The following THSD7B variants were observed in gnomAD, a reference collection of about 807,000 sequenced individuals.
The protein encoded by THSD7B is thrombospondin type 1 domain containing 7B, also known as thrombospondin type-1 domain-containing protein 7B.
In THSD7B, 138 loss-of-function variants were observed where a neutral mutation model predicts 213.6. The observed-to-expected ratio is 0.65, with a 90% CI of 0.56 to 0.74. THSD7B has a LOEUF of 0.74. THSD7B is among the 30% of genes least tolerant of loss of function. The pLI, the probability that THSD7B is intolerant of heterozygous loss-of-function variation, is 0.00. For synonymous variants in THSD7B, 742 were observed against 687.0 expected (o/e 1.08, Z -1.25); for missense variants, 1,931 against 1,991.5 (o/e 0.97, Z 0.58).
At chr2:137,439,491 A>T (rs1687356280) in intron 14 of THSD7B, among the ~76,000 whole-genome samples, 1 of 150,578 alleles carries the variant, frequency 6.6e-6, no homozygotes, top group Non-Finnish European at 1.5e-5. Flanking sequence ...TCATTAAATA[A>T]ATAAGTTATC....
chr2:137,676,255 T>TATC (rs1264993668), intron 27 of THSD7B, among the ~76,000 whole-genome samples: 2 of 152,202 alleles, frequency 1.3e-5, no homozygotes, highest in African/African-American at 4.8e-5. Context: ...TGTTGTTGTG[T>TATC]ATCATCAAGA....
intron 12 of THSD7B, among the ~76,000 whole-genome samples, chr2:137,325,879 G>T (rs149910096): frequency 6.6e-6 from 1 of 152,076 alleles, no homozygotes; most frequent in Non-Finnish European, 1.5e-5. Context: ...CTGGTTTTCC[G>T]TTGGCTTCAC....
intron 15 of THSD7B, among the ~76,000 whole-genome samples, chr2:137,465,834 A>G (rs1687981825): frequency 6.6e-6 from 1 of 152,102 alleles, no homozygotes; most frequent in African/African-American, 2.4e-5. Flanking sequence ...TGAGCAAGTA[A>G]TCTCTTTTGG....
At chr2:137,084,327 T>G (rs1158347408) in intron 3 of THSD7B, among the ~76,000 whole-genome samples, 1 of 152,102 alleles carries the variant, frequency 6.6e-6, no homozygotes, top group Admixed American at 6.6e-5. Context: ...GGGAAGAAAG[T>G]TCAACAAATT....
chr2:137,263,288 C>CAT (rs976985063), intron 10 of THSD7B, among the ~76,000 whole-genome samples: 51 of 151,928 alleles, frequency 3.4e-4, no homozygotes, highest in African/African-American at 6.0e-4. Flanking sequence ...CACACATACA[C>CAT]ATATATATAA....
intron 5 of THSD7B, among the ~76,000 whole-genome samples, chr2:137,147,049 CTTG>C (rs1679717831): frequency 1.3e-5 from 2 of 152,192 alleles, no homozygotes; most frequent in Non-Finnish European, 2.9e-5. Flanking sequence ...AGTATAAATC[CTTG>C]TTGTACTCTC....
intron 12 of THSD7B, among the ~76,000 whole-genome samples, chr2:137,295,927 T>G (rs775298230): frequency 1.8e-4 from 28 of 152,144 alleles, no homozygotes; most frequent in Non-Finnish European, 4.0e-4. Flanking sequence ...ATCCATATCC[T>G]GTATGATCTG....
intron 12 of THSD7B, among the ~76,000 whole-genome samples, chr2:137,313,615 A>C (rs1172259419): frequency 1.3e-5 from 2 of 151,516 alleles, no homozygotes; most frequent in South Asian, 4.2e-4. Flanking sequence ...TGGTCTTTAC[A>C]TTTTGGCATG....
intron 1 of THSD7B, among the ~76,000 whole-genome samples, chr2:136,802,797 A>G (rs1046281188): frequency 1.3e-5 from 2 of 150,904 alleles, no homozygotes; most frequent in African/African-American, 4.9e-5. Flanking sequence ...GAACTGCAAC[A>G]GAATGGTTTA....
intron 15 of THSD7B, among the ~76,000 whole-genome samples, chr2:137,523,983 A>AT (rs938529776): frequency 1.3e-5 from 2 of 151,902 alleles, no homozygotes; most frequent in Non-Finnish European, 2.9e-5. Context: ...AGTTTAATGG[A>AT]TTTTTTTTCC....
chr2:137,150,242 CAAA>C (rs34325279), intron 5 of THSD7B, among the ~76,000 whole-genome samples: 15 of 129,334 alleles, frequency 1.2e-4, no homozygotes, highest in Non-Finnish European at 1.3e-4. Flanking sequence ...AATTCTGTCT[CAAA>C]AAAAAAAAAA....
At chr2:137,459,487 G>A (rs1403309716) in intron 15 of THSD7B, among the ~76,000 whole-genome samples, 2 of 152,030 alleles carry the variant, frequency 1.3e-5, no homozygotes, top group African/African-American at 2.4e-5. Flanking sequence ...CCAACATGGT[G>A]AAACCCCATC....
intron 12 of THSD7B, among the ~76,000 whole-genome samples, chr2:137,283,119 C>T (rs1168486406): frequency 6.6e-6 from 1 of 152,140 alleles, no homozygotes; most frequent in African/African-American, 2.4e-5. Flanking sequence ...AGAGGTCCTT[C>T]ACATCCCTTG....
intron 1 of THSD7B, among the ~76,000 whole-genome samples, chr2:136,878,545 G>T (rs537412537): frequency 1.3e-5 from 2 of 152,192 alleles, no homozygotes; most frequent in South Asian, 4.1e-4. Context: ...CAGTGTAAAA[G>T]TGTTCCTATT....
intron 14 of THSD7B, among the ~76,000 whole-genome samples, chr2:137,415,977 T>C (rs1686789497): frequency 6.6e-6 from 1 of 152,116 alleles, no homozygotes; most frequent in African/African-American, 2.4e-5. Context: ...TCCAGGAGAG[T>C]GGAAACTTAT....
chr2:137,617,250 A>G (rs189141702), intron 18 of THSD7B, among the ~76,000 whole-genome samples: 387 of 152,320 alleles, frequency 2.5e-3, no homozygotes, highest in African/African-American at 8.9e-3. Context: ...TCTTTGAAAC[A>G]CTGATTTTAC....
intron 15 of THSD7B, among the ~76,000 whole-genome samples, chr2:137,533,737 G>A (rs1452360372): frequency 6.6e-6 from 1 of 151,902 alleles, no homozygotes; most frequent in Admixed American, 6.6e-5. Flanking sequence ...GGCTGCCACT[G>A]ACAGGGCTTT....
intron 17 of THSD7B, among the ~76,000 whole-genome samples, chr2:137,582,836 A>T (rs1040572734): frequency 2.6e-5 from 4 of 152,154 alleles, no homozygotes; most frequent in African/African-American, 9.7e-5. Flanking sequence ...ATGATTTATA[A>T]TCCTTTGGGT....
intron 1 of THSD7B, among the ~76,000 whole-genome samples, chr2:136,848,894 A>G (rs1386405341): frequency 6.6e-6 from 1 of 152,086 alleles, no homozygotes; most frequent in Non-Finnish European, 1.5e-5. Context: ...CAGTTTTTAG[A>G]CAATAATAAT....
Sources: allele counts gnomAD v4.1 joint callset (sites outside exome capture counted in the v4.1 genomes callset), GRCh38; gene constraint gnomAD v4.1.1; transcripts MANE v1.5; gene names NCBI Gene and HGNC (gene_info 2026-07-23, HGNC 2026-07-21).